The following PLCZ1 variants were observed in gnomAD, a reference collection of about 807,000 sequenced individuals.
PLCZ1 encodes phospholipase C zeta 1.
A neutral mutation model predicts 76.8 loss-of-function variants in PLCZ1; 64 were observed. That is an observed-to-expected ratio of 0.83 (90% confidence interval 0.68 to 1.03). The LOEUF is 1.03. PLCZ1 is among the 50% of genes least tolerant of loss of function. PLCZ1 has a pLI of 0.00. For synonymous variants in PLCZ1, 248 were observed against 230.8 expected (o/e 1.07, Z -0.68); for missense variants, 751 against 713.7 (o/e 1.05, Z -0.60).
Position 18,705,175 on chromosome 12 carries a change from T to C in PLCZ1, c.855A>G (p.Pro285=), listed in dbSNP as rs769301685. 1.2e-6 allele frequency: 2 copies of C among 1,613,890 alleles called. No homozygotes were observed. Among genetic ancestry groups the C allele is most frequent in the Non-Finnish European group, 1.7e-6 (2 of 1,179,978 alleles). The change falls in exon 7 of 15, where the codon CCA becomes CCG. Residue 285 remains proline, a synonymous_variant. Coordinates refer to ENST00000266505, the MANE Select transcript of PLCZ1 (RefSeq NM_033123.4). ...DMLDDFPDTL[P]SPEALKFKIL... ...CAGAAAAAAATGTTACCTCTGGTGATGGTAGAGTATCAGGAAAATCATCAA... is the reference window on the plus strand; with the variant it reads ...CAGAAAAAAATGTTACCTCTGGTGACGGTAGAGTATCAGGAAAATCATCAA...
At chr12:18,679,663 G>A (rs1952242479), downstream of PLCZ1, among the ~76,000 whole-genome samples, 1 of 151,888 alleles carries the variant, frequency 6.6e-6, no homozygotes, top group African/African-American at 2.4e-5. Context: ...TTAATATTAG[G>A]CACACATTAG....
At chr12:18,655,459 A>G in the PLCZ1 span, among the ~76,000 whole-genome samples, 1 of 152,212 alleles carries the variant, frequency 6.6e-6, no homozygotes, top group African/African-American at 2.4e-5. Flanking sequence ...AGAATTCCTA[A>G]TTATTTATGG....
At chr12:18,703,046 C>T (rs913446393) in intron 7 of PLCZ1, among the ~76,000 whole-genome samples, 5 of 152,056 alleles carry the variant, frequency 3.3e-5, no homozygotes, top group African/African-American at 1.2e-4. Context: ...AAGCTATGTA[C>T]GGGAATGCTA....
chr12:18,707,970 T>C (rs2137354395), intron 6 of PLCZ1, among the ~76,000 whole-genome samples: 1 of 152,314 alleles, frequency 6.6e-6, no homozygotes, highest in South Asian at 2.1e-4. Flanking sequence ...AATTAACATA[T>C]CCATCTATCC....
chr12:18,655,761 A>C, the PLCZ1 span, among the ~76,000 whole-genome samples: 2 of 152,090 alleles, frequency 1.3e-5, no homozygotes, highest in East Asian at 3.9e-4. Context: ...AAAAAAAAAA[A>C]AAAAATCAGA....
rs200642156 is a variant in PLCZ1 at position 18,701,694 on chromosome 12, C to T, written c.947G>A (p.Arg316His). Residue 316 changes from arginine (R) to histidine (H), a missense_variant and splice_region_variant, in exon 8 of 15, where the codon CGT (arginine) becomes CAT (histidine). Physicochemically the swap from Arg to His is conservative, Grantham distance 29. Transcript: ENST00000266505. ...ETHERKGSDK[R>H]GDNQDKETGV... ...TTCTTCCCATTCCTCCACCTTACCA[C>T]GCTTATCAGAACCTTTTCTTTCATG... The T allele has an allele frequency of 1.1e-4, 176 of 1,612,150 alleles. No individual in the cohort carries two copies. The highest frequency in any genetic ancestry group is 1.7e-4 in the Middle Eastern group (1 of 6,054).
the PLCZ1 span, among the ~76,000 whole-genome samples, chr12:18,667,314 G>A: frequency 1.3e-5 from 2 of 152,074 alleles, no homozygotes. Context: ...CTTGGTGGGA[G>A]AAACCTCCTA....
At chr12:18,691,313 TA>T (rs1954045721) in intron 12 of PLCZ1, among the ~76,000 whole-genome samples, 1 of 152,150 alleles carries the variant, frequency 6.6e-6, no homozygotes, top group Non-Finnish European at 1.5e-5. Flanking sequence ...CAAGTTTTAC[TA>T]TTTTAAATTT....
At chr12:18,731,643 T>C (rs2150756136) in intron 3 of PLCZ1, among the ~76,000 whole-genome samples, 1 of 151,550 alleles carries the variant, frequency 6.6e-6, no homozygotes, top group South Asian at 2.1e-4. Flanking sequence ...ATCAGACCTT[T>C]CCCAGTTTGT....
chr12:18,737,670 A>G, intron 1 of PLCZ1, 161 bp from the exon 2 acceptor site: 2 of 512,848 alleles, frequency 3.9e-6, no homozygotes, highest in Non-Finnish European at 3.5e-6. Context: ...CAAACCCACA[A>G]TATTTGAAAA....
the PLCZ1 span, among the ~76,000 whole-genome samples, chr12:18,676,176 A>G: frequency 6.6e-6 from 1 of 152,120 alleles, no homozygotes; most frequent in Non-Finnish European, 1.5e-5. Flanking sequence ...AACTGAATAC[A>G]TGGAACTGAA....
intron 2 of PLCZ1, chr12:18,736,717 CT>C (rs1200233891): frequency 1.6e-6 from 2 of 1,281,662 alleles, no homozygotes. Flanking sequence ...TTAGTTCTCT[CT>C]TCCAGAAAGG....
At chr12:18,722,031 C>G (rs1307800609) in intron 4 of PLCZ1, among the ~76,000 whole-genome samples, 1 of 152,000 alleles carries the variant, frequency 6.6e-6, no homozygotes, top group East Asian at 1.9e-4. Flanking sequence ...TCCTCCTGTT[C>G]CTTCAGTTAT....
chr12:18,682,871 T>G (rs1181703023), downstream of PLCZ1, among the ~76,000 whole-genome samples: 1 of 152,026 alleles, frequency 6.6e-6, no homozygotes, highest in Non-Finnish European at 1.5e-5. Flanking sequence ...GTTAAAACAC[T>G]CTTAGATTTC....
Position 18,723,472 on chromosome 12 carries a change from T to C in PLCZ1, c.206A>G (p.His69Arg), listed in dbSNP as rs1440802648. 4 of 1,613,094 alleles carry C rather than the reference T, an allele frequency of 2.5e-6. No individual in the cohort carries two copies. The South Asian group carries it at 4.4e-5, about 18-fold the overall frequency. The change falls in exon 4 of 15, where the codon CAC becomes CGC. Residue 69 changes from histidine (H) to arginine (R), a missense_variant. By Grantham distance (29) the His-to-Arg change is conservative (BLOSUM62 0). Transcript: ENST00000266505. ...GAAAATCTCAATAATTTCTTCTCTG[T>C]GCGTGATAATTCGATAAATTGCTCT... ...EFRAIYRIIT[H>R]REEIIEIFNT...
chr12:18,715,183 C>G (rs796392443), intron 5 of PLCZ1, among the ~76,000 whole-genome samples: 68 of 356 alleles, frequency 0.19, 2 homozygotes, highest in Non-Finnish European at 0.33. Flanking sequence ...GGGGGGGGGG[C>G]GGAGGGAGGG....
At chr12:18,724,658 C>T (rs1257283949) in intron 3 of PLCZ1, among the ~76,000 whole-genome samples, 1 of 151,974 alleles carries the variant, frequency 6.6e-6, no homozygotes, top group Non-Finnish European at 1.5e-5. Context: ...TGTTCATTAC[C>T]TTACTTAAAT....
chr12:18,693,362 G>A lies in PLCZ1; in HGVS notation c.1461+1548C>T, dbSNP rs576663948. 410 of 1,601,636 alleles carry A rather than the reference G, an allele frequency of 2.6e-4. 6 individuals carry two copies. In the South Asian group the frequency reaches 4.3e-3, roughly 17 times the overall value. ...CTGGGGGGTTGGACAACCAAATTCG[G>A]GAAATTAAGGAATCTGTGGAGCTTC... On this transcript the variant is annotated intron_variant, in intron 12 of 14. Transcript: ENST00000266505.
At chr12:18,724,577 G>A (rs545495843) in intron 3 of PLCZ1, among the ~76,000 whole-genome samples, 4 of 152,114 alleles carry the variant, frequency 2.6e-5, no homozygotes, top group South Asian at 2.1e-4. Context: ...AATCAGATGC[G>A]GGGTCTCCAG....
Sources: gnomAD v4.1 joint callset for allele counts (sites outside exome capture counted in the v4.1 genomes callset) on GRCh38, gnomAD v4.1.1 for gene constraint, MANE v1.5 for transcripts, NCBI Gene and HGNC (gene_info 2026-07-23, HGNC 2026-07-21) for gene names.